TTC7A: variants seen among roughly 807,000 people sequenced by gnomAD.
TTC7A encodes tetratricopeptide repeat protein 7A.
A neutral mutation model predicts 103.7 loss-of-function variants in TTC7A; 110 were observed. That is an observed-to-expected ratio of 1.06 (90% confidence interval 0.91 to 1.24). TTC7A has a LOEUF of 1.24. Ranked by LOEUF, TTC7A falls within the 50% of genes most tolerant of loss-of-function variation. The probability of loss-of-function intolerance (pLI) is 0.00; values close to 1 mark genes in which losing one functional copy is unlikely to be tolerated. For missense variants in TTC7A, 1,340 were observed against 1,116.3 expected, an observed-to-expected ratio of 1.20 and a Z score of -2.86; for synonymous variants, 521 against 467.9, an observed-to-expected ratio of 1.11 and a Z score of -1.47.
chr2:47,064,905 GATTA>G (rs1297035849), intron 19 of TTC7A, among the ~76,000 whole-genome samples: 1 of 152,192 alleles, frequency 6.6e-6, no homozygotes, highest in Non-Finnish European at 1.5e-5. Context: ...ACAGGAGACA[GATTA>G]ACAAGGAAAA....
At chr2:46,941,119 G>A (rs1368887306), upstream of TTC7A, 3 of 148,392 alleles carry the variant, frequency 2.0e-5, no homozygotes, top group African/African-American at 7.3e-5. This position sits in a 1 kb window ranked among gnomAD's most constrained non-coding sequence, Gnocchi z 4.2. Flanking sequence ...CGCGCTGGCA[G>A]CCAGCGAGCC....
intron 4 of TTC7A, among the ~76,000 whole-genome samples, chr2:46,976,658 C>G (rs1268037156): frequency 6.6e-6 from 1 of 152,130 alleles, no homozygotes; most frequent in Non-Finnish European, 1.5e-5. Flanking sequence ...CTGGAGAATT[C>G]TTTGTTGTTG....
chr2:47,069,096 C>G (rs907147031), intron 19 of TTC7A, among the ~76,000 whole-genome samples: 2 of 152,106 alleles, frequency 1.3e-5, no homozygotes, highest in Non-Finnish European at 2.9e-5. Context: ...AGCCTCTTGA[C>G]TGACCTGGAG....
At chr2:47,039,149 C>T (rs900624251) in intron 15 of TTC7A, among the ~76,000 whole-genome samples, 1 of 152,152 alleles carries the variant, frequency 6.6e-6, no homozygotes, top group Admixed American at 6.5e-5. Flanking sequence ...AAGGCACTTC[C>T]AGGAAGCAGC....
intron 7 of TTC7A, 110 bp from the exon 8 acceptor site, chr2:46,995,026 C>A: frequency 1.0e-6 from 1 of 967,210 alleles, no homozygotes; most frequent in Non-Finnish European, 1.6e-6. Context: ...AGGAAGAGGT[C>A]ACCTTACCGA....
Position 46,923,160 on chromosome 2 carries a change from C to G in TTC7A, c.82+5883C>G, listed in dbSNP as rs1039251472. Among the ~76,000 whole-genome samples the G allele has an allele frequency of 2.6e-5, 4 of 152,324 alleles. No individual in the cohort carries two copies. The East Asian group carries it at 7.7e-4, about 29-fold the overall frequency. On this transcript the variant is annotated intron_variant, in intron 2 of 20. Transcript: ENST00000409245. ...TTCCTGTCAGCCTCCATGTGTTCAG[C>G]TCTCTGGAAGCTCTCCAAGCCCTGT...
intron 18 of TTC7A, 99 bp from the exon 19 acceptor site, chr2:47,060,670 C>A: frequency 8.6e-7 from 1 of 1,164,002 alleles, no homozygotes; most frequent in Non-Finnish European, 1.2e-6. Context: ...GAGTTTGTCA[C>A]CTAAGACTAG....
intron 6 of TTC7A, 88 bp from the exon 7 acceptor site, chr2:46,994,269 T>A: frequency 1.2e-5 from 17 of 1,475,484 alleles, no homozygotes; most frequent in Non-Finnish European, 1.5e-5. Context: ...CGGGGCAGAT[T>A]TAGCTGGGAT....
At chr2:47,026,544 G>A (rs1043148693) in intron 14 of TTC7A, among the ~76,000 whole-genome samples, 1 of 152,178 alleles carries the variant, frequency 6.6e-6, no homozygotes, top group Non-Finnish European at 1.5e-5. Flanking sequence ...GCAAGGAGCA[G>A]GACTCTTAAA....
At chr2:46,987,305 G>A (rs1410741356) in intron 5 of TTC7A, among the ~76,000 whole-genome samples, 1 of 152,212 alleles carries the variant, frequency 6.6e-6, no homozygotes, top group Non-Finnish European at 1.5e-5. Context: ...TGGGGCCAGG[G>A]TCCAGACTAT....
intron 15 of TTC7A, among the ~76,000 whole-genome samples, chr2:47,044,238 T>G (rs775702176): frequency 3.9e-5 from 6 of 152,222 alleles, no homozygotes; most frequent in Non-Finnish European, 8.8e-5. Context: ...CTTTCCTGTT[T>G]CTTCCCCTGT....
chr2:47,043,746 C>T (rs1446859829), intron 15 of TTC7A, among the ~76,000 whole-genome samples: 2 of 152,144 alleles, frequency 1.3e-5, no homozygotes, highest in Admixed American at 6.5e-5. Flanking sequence ...CTTGCCCCAG[C>T]CCAGAAAGGA....
At position 47,075,510 on chromosome 2, in the gene TTC7A, ACAGTGACTTTG is replaced by A. The variant is rs1201834589; in HGVS notation, c.*1591_*1601del. 1.3e-5 allele frequency: 2 copies of A among 152,206 alleles called. No homozygotes were observed. The highest frequency in any genetic ancestry group is 2.9e-5 in the Non-Finnish European group (2 of 68,040). 9.4% of individuals were successfully genotyped at this position (152,206 alleles called of 1,614,324 possible). A position where few individuals can be genotyped will look rare whatever the true frequency, so the allele number is the denominator to read the frequency against. On this transcript the variant is annotated 3_prime_UTR_variant, in exon 20 of 20. Coordinates refer to ENST00000319190, the MANE Select transcript of TTC7A (RefSeq NM_020458.4). Reference sequence around the variant, plus strand: ...AGCAGAGGGCCAGGCCAAGTTGCTGACAGTGACTTTGCAGGTTGAATAAAGAAACCCTTGGA... The same window carrying A: ...AGCAGAGGGCCAGGCCAAGTTGCTGACAGGTTGAATAAAGAAACCCTTGGA...
chr2:46,973,720 C>T (rs958548433), intron 3 of TTC7A, among the ~76,000 whole-genome samples: 3 of 152,158 alleles, frequency 2.0e-5, no homozygotes, highest in Non-Finnish European at 2.9e-5. Flanking sequence ...ATGCCCAAAT[C>T]GTGCCAGTAG....
chr2:47,032,061 TC>T (rs1313287454), intron 15 of TTC7A, among the ~76,000 whole-genome samples: 1 of 152,118 alleles, frequency 6.6e-6, no homozygotes. Flanking sequence ...TTTCCACCCT[TC>T]CCTTCCTCCC....
At chr2:46,950,629 T>C (rs895331365) in intron 2 of TTC7A, 103 bp downstream of exon 2, 2 of 1,314,578 alleles carry the variant, frequency 1.5e-6, no homozygotes, top group Middle Eastern at 2.1e-4. Flanking sequence ...GCAACAAGTC[T>C]CTCTTACAAG....
intron 11 of TTC7A, among the ~76,000 whole-genome samples, chr2:47,021,270 G>A (rs2104544127): frequency 6.6e-6 from 1 of 152,290 alleles, no homozygotes; most frequent in South Asian, 2.1e-4. Flanking sequence ...CTCCTATGGG[G>A]GCCCAGAGTG....
At chr2:46,959,872 A>C (rs1247535050) in intron 3 of TTC7A, among the ~76,000 whole-genome samples, 1 of 152,204 alleles carries the variant, frequency 6.6e-6, no homozygotes, top group Non-Finnish European at 1.5e-5. Context: ...TGTGTATATA[A>C]GGTGTGGGGG....
chr2:47,010,197 A>G (rs1212268860), intron 10 of TTC7A, among the ~76,000 whole-genome samples: 1 of 152,158 alleles, frequency 6.6e-6, no homozygotes, highest in African/African-American at 2.4e-5. Flanking sequence ...CTTTTCTGTA[A>G]AGGGTCAGAT....
Sources: gnomAD v4.1 joint callset for allele counts (sites outside exome capture counted in the v4.1 genomes callset) on GRCh38, gnomAD v4.1.1 for gene constraint, Gnocchi (gnomAD v3.1) non-coding constraint, MANE v1.5 for transcripts, NCBI Gene and HGNC (gene_info 2026-07-23, HGNC 2026-07-21) for gene names.